Variants in CMKLR2 observed in about 807,000 individuals in gnomAD.
CMKLR2 encodes chemerin-like receptor 2.
Under a neutral mutation model 23.0 loss-of-function variants are expected in CMKLR2, and 18 were observed. The ratio of observed to expected loss-of-function variants is 0.78; its 90% confidence interval spans 0.54 to 1.16. The LOEUF (loss-of-function observed/expected upper bound fraction) is 1.16, where lower values mean the gene tolerates loss of function less well. Among genes scored for constraint, CMKLR2 ranks in the 50% most tolerant of loss-of-function variants. The pLI, the probability that CMKLR2 is intolerant of heterozygous loss-of-function variation, is 0.00. For synonymous variants in CMKLR2, 158 were observed against 158.9 expected (o/e 0.99, Z 0.05); for missense variants, 401 against 412.7 (o/e 0.97, Z 0.25).
chr2:206,208,735 G>A (rs189241663), intron 1 of CMKLR2, among the ~76,000 whole-genome samples: 19 of 151,712 alleles, frequency 1.3e-4, no homozygotes, highest in Middle Eastern at 3.4e-3. Flanking sequence ...CACCTTCCAG[G>A]CTCCAACAAT....
chr2:206,178,024 C>G (rs1688287726), intron 1 of CMKLR2, among the ~76,000 whole-genome samples: 1 of 152,128 alleles, frequency 6.6e-6, no homozygotes, highest in Non-Finnish European at 1.5e-5. Flanking sequence ...ACCTGTAATC[C>G]CAGCACTTTG....
At chr2:206,208,442 G>T (rs1038985218) in intron 1 of CMKLR2, among the ~76,000 whole-genome samples, 2 of 151,976 alleles carry the variant, frequency 1.3e-5, no homozygotes, top group Non-Finnish European at 1.5e-5. Context: ...TCAGAAGTGG[G>T]AGGATTACTT....
At chr2:206,216,673 TA>T (rs1384969744), upstream of CMKLR2, among the ~76,000 whole-genome samples, 8 of 152,226 alleles carry the variant, frequency 5.3e-5, no homozygotes, top group Non-Finnish European at 1.0e-4. Context: ...GCTATCATAT[TA>T]TTCTGGGGAC....
chr2:206,192,000 C>G (rs1488342441), intron 1 of CMKLR2, among the ~76,000 whole-genome samples: 1 of 151,882 alleles, frequency 6.6e-6, no homozygotes, highest in Non-Finnish European at 1.5e-5. Context: ...ACCACCACAC[C>G]TGGCTAATTT....
At chr2:206,193,082 A>G (rs1056274718) in intron 1 of CMKLR2, among the ~76,000 whole-genome samples, 4 of 152,126 alleles carry the variant, frequency 2.6e-5, no homozygotes, top group African/African-American at 9.7e-5. Flanking sequence ...TGTGAAACTC[A>G]GATATGGAGG....
intron 1 of CMKLR2, among the ~76,000 whole-genome samples, chr2:206,192,922 C>A (rs1688799382): frequency 6.6e-6 from 1 of 152,072 alleles, no homozygotes; most frequent in South Asian, 2.1e-4. Flanking sequence ...TACTTTAAAT[C>A]CTCTTTAGAG....
At chr2:206,210,562 G>A (rs941078694) in intron 1 of CMKLR2, among the ~76,000 whole-genome samples, 2 of 151,420 alleles carry the variant, frequency 1.3e-5, no homozygotes, top group Non-Finnish European at 2.9e-5. Context: ...AGGTTCAAGC[G>A]ATTCTCCTGC....
chr2:206,190,435 T>G (rs1688714536), intron 1 of CMKLR2, among the ~76,000 whole-genome samples: 1 of 152,184 alleles, frequency 6.6e-6, no homozygotes, highest in African/African-American at 2.4e-5. Flanking sequence ...TGGAAAAGAA[T>G]TTGAATGGAA....
At chr2:206,207,116 A>G (rs1029314469) in intron 1 of CMKLR2, among the ~76,000 whole-genome samples, 25 of 151,328 alleles carry the variant, frequency 1.7e-4, no homozygotes, top group Admixed American at 5.9e-4. Flanking sequence ...CAAGTTCACT[A>G]TAAACCATTG....
At chr2:206,212,907 T>G (rs902922830) in intron 1 of CMKLR2, among the ~76,000 whole-genome samples, 5 of 152,170 alleles carry the variant, frequency 3.3e-5, no homozygotes, top group African/African-American at 1.2e-4. Flanking sequence ...TACTAGTTTC[T>G]CAACAGTGAG....
intron 1 of CMKLR2, among the ~76,000 whole-genome samples, chr2:206,209,894 C>T (rs1352819920): frequency 6.6e-6 from 1 of 151,472 alleles, no homozygotes; most frequent in Non-Finnish European, 1.5e-5. Context: ...ATGATCCACC[C>T]GCCTCGGCCT....
chr2:206,209,927 C>T (rs1443363292), intron 1 of CMKLR2, among the ~76,000 whole-genome samples: 4 of 151,116 alleles, frequency 2.6e-5, no homozygotes, highest in African/African-American at 9.7e-5. Context: ...GGATTACAGG[C>T]GTGAGCCACT....
intron 1 of CMKLR2, among the ~76,000 whole-genome samples, chr2:206,199,389 G>A (rs1689019250): frequency 6.6e-6 from 1 of 152,098 alleles, no homozygotes. Context: ...AACAGAGTGA[G>A]ACTGTCTCAT....
At chr2:206,209,773 C>A (rs532613140) in intron 1 of CMKLR2, among the ~76,000 whole-genome samples, 1 of 150,652 alleles carries the variant, frequency 6.6e-6, no homozygotes, top group African/African-American at 2.4e-5. Flanking sequence ...CTCAGCCTCC[C>A]GAGTAGCTGG....
intron 1 of CMKLR2, among the ~76,000 whole-genome samples, chr2:206,207,550 C>T (rs904758377): frequency 6.6e-6 from 1 of 152,012 alleles, no homozygotes; most frequent in Non-Finnish European, 1.5e-5. Context: ...CTCAGCATTT[C>T]CTGAGTACTT....
chr2:206,182,783 A>AT (rs970404470), intron 1 of CMKLR2, among the ~76,000 whole-genome samples: 43 of 151,846 alleles, frequency 2.8e-4, no homozygotes, highest in African/African-American at 8.7e-4. Flanking sequence ...TGCCCCGCTA[A>AT]TTTTTTTTGT....
chr2:206,210,176 C>T (rs1232849821), intron 1 of CMKLR2, among the ~76,000 whole-genome samples: 1 of 151,844 alleles, frequency 6.6e-6, no homozygotes, highest in African/African-American at 2.4e-5. Context: ...GTCGGCCAGG[C>T]TCAGGTGATC....
chr2:206,187,189 A>G (rs530646187), intron 1 of CMKLR2, among the ~76,000 whole-genome samples: 1 of 152,234 alleles, frequency 6.6e-6, no homozygotes, highest in Admixed American at 6.5e-5. Context: ...TCTACTAAAA[A>G]CACAAAAATT....
chr2:206,192,142 C>A (rs1343465554), intron 1 of CMKLR2, among the ~76,000 whole-genome samples: 1 of 151,440 alleles, frequency 6.6e-6, no homozygotes, highest in Non-Finnish European at 1.5e-5. Context: ...TGCGCCAGGC[C>A]TACTTTTTGT....
Sources: gnomAD v4.1 joint callset for allele counts (sites outside exome capture counted in the v4.1 genomes callset) on GRCh38, gnomAD v4.1.1 for gene constraint, MANE v1.5 for transcripts, NCBI Gene and HGNC (gene_info 2026-07-23, HGNC 2026-07-21) for gene names.